The following ASIC2 variants were observed in gnomAD, a reference collection of about 807,000 sequenced individuals.
ASIC2 encodes acid-sensing ion channel 2.
ASIC2 carries 25 observed loss-of-function variants against 57.3 expected under a neutral mutation model. The ratio of observed to expected loss-of-function variants is 0.44; its 90% confidence interval spans 0.32 to 0.61. The LOEUF (loss-of-function observed/expected upper bound fraction) is 0.61, where lower values mean the gene tolerates loss of function less well. Ranked by LOEUF, ASIC2 falls within the 20% of genes least tolerant of loss-of-function variation. ASIC2 has a pLI of 0.06. For synonymous variants in ASIC2, 319 were observed against 307.5 expected (o/e 1.04, Z -0.39); for missense variants, 641 against 738.1 (o/e 0.87, Z 1.52).
intron 1 of ASIC2, among the ~76,000 whole-genome samples, chr17:33,426,015 C>A (rs934137060): frequency 6.6e-6 from 1 of 152,164 alleles, no homozygotes; most frequent in African/African-American, 2.4e-5. Context: ...GACTTCACTT[C>A]TGCTCCTCCT....
intron 1 of ASIC2, among the ~76,000 whole-genome samples, chr17:33,753,160 TGGA>T (rs1910485923): frequency 2.0e-5 from 3 of 152,202 alleles, no homozygotes; most frequent in Admixed American, 2.0e-4. Flanking sequence ...TAGAAAGACA[TGGA>T]GAATCCTAAA....
rs1462384986 is a variant in ASIC2 at position 33,292,335 on chromosome 17, C to T, written c.-220G>A. ...GCCCGGGGCTGAGCGCCGCCTCAGC[C>T]CGCAGCCCCTGGCAGTGGCCTCTCC... On this transcript the variant is annotated 5_prime_UTR_variant, in exon 1 of 10. Transcript: ENST00000225823. The T allele has an allele frequency of 1.0e-6, 1 of 986,506 alleles. No individual in the cohort carries two copies. The highest frequency in any genetic ancestry group is 1.2e-6 in the Non-Finnish European group (1 of 831,192). 61.1% of individuals were successfully genotyped at this position (986,506 alleles called of 1,614,324 possible).
intron 1 of ASIC2, among the ~76,000 whole-genome samples, chr17:33,219,122 G>A (rs2142095828): frequency 6.6e-6 from 1 of 152,166 alleles, no homozygotes; most frequent in East Asian, 1.9e-4. Context: ...AAACTCCAGG[G>A]CCTGATGAAG....
chr17:33,589,840 A>G (rs1904770204), intron 1 of ASIC2, among the ~76,000 whole-genome samples: 1 of 152,192 alleles, frequency 6.6e-6, no homozygotes, highest in Non-Finnish European at 1.5e-5. Flanking sequence ...TGTCTACTTC[A>G]GTGCTTGATT....
intron 1 of ASIC2, among the ~76,000 whole-genome samples, chr17:33,315,877 A>G (rs1906624324): frequency 6.6e-6 from 1 of 152,216 alleles, no homozygotes; most frequent in African/African-American, 2.4e-5. Flanking sequence ...ACTTGGGTTC[A>G]AATCCTGGTT....
intron 1 of ASIC2, among the ~76,000 whole-genome samples, chr17:33,476,547 GTGTGT>G (rs1567624927): frequency 0.28 from 25,053 of 89,200 alleles, 2,552 homozygotes; most frequent in African/African-American, 0.42. Context: ...GTACAGGGGT[GTGTGT>G]GTGTGTGTGT....
At chr17:33,656,623 T>C (rs980928123) in intron 1 of ASIC2, among the ~76,000 whole-genome samples, 1 of 152,146 alleles carries the variant, frequency 6.6e-6, no homozygotes, top group African/African-American at 2.4e-5. Flanking sequence ...TATTCCTTCT[T>C]CAAGTCTCAT....
intron 1 of ASIC2, among the ~76,000 whole-genome samples, chr17:33,800,962 T>A (rs1323039557): frequency 6.6e-6 from 1 of 152,108 alleles, no homozygotes; most frequent in Non-Finnish European, 1.5e-5. Context: ...CTGTGCTACC[T>A]CTCAAAGAAA....
At chr17:33,560,142 C>T (rs2043475) in intron 1 of ASIC2, among the ~76,000 whole-genome samples, 30,094 of 152,136 alleles carry the variant, frequency 0.2, 3,051 homozygotes, top group South Asian at 0.33. Context: ...TCTTGGACCT[C>T]GGTTGGCTGT....
chr17:33,992,379 T>A, intron 1 of ASIC2, among the ~76,000 whole-genome samples: 1 of 152,162 alleles, frequency 6.6e-6, no homozygotes, highest in South Asian at 2.1e-4. Flanking sequence ...AGAAAATTGA[T>A]TTCTAAGGTC....
chr17:33,356,144 T>C (rs962807623), intron 1 of ASIC2, among the ~76,000 whole-genome samples: 1 of 152,108 alleles, frequency 6.6e-6, no homozygotes, highest in Admixed American at 6.5e-5. Flanking sequence ...AAGGCAGGTG[T>C]GAAGGATAGG....
intron 3 of ASIC2, among the ~76,000 whole-genome samples, chr17:33,043,790 A>G (rs2091938945): frequency 6.6e-6 from 1 of 152,230 alleles, no homozygotes. Flanking sequence ...TTGGACAATC[A>G]GACCACACAG....
At chr17:33,516,785 T>G (rs1014080521) in intron 1 of ASIC2, among the ~76,000 whole-genome samples, 1 of 152,204 alleles carries the variant, frequency 6.6e-6, no homozygotes, top group Non-Finnish European at 1.5e-5. Flanking sequence ...TCTGGGACAC[T>G]TTGCCTGACC....
intron 1 of ASIC2, among the ~76,000 whole-genome samples, chr17:34,133,151 TA>T (rs1318145272): frequency 3.0e-4 from 46 of 152,366 alleles, no homozygotes; most frequent in Admixed American, 7.8e-4. Flanking sequence ...CTGGGATTGA[TA>T]AATAGATGTA....
chr17:33,388,073 C>G (rs1307992577), intron 1 of ASIC2, among the ~76,000 whole-genome samples: 8 of 143,078 alleles, frequency 5.6e-5, no homozygotes, highest in African/African-American at 1.3e-4. Flanking sequence ...GAGAGAGACT[C>G]CATCTCAAAA....
intron 1 of ASIC2, among the ~76,000 whole-genome samples, chr17:33,748,144 G>A (rs1474227855): frequency 6.6e-6 from 1 of 152,142 alleles, no homozygotes; most frequent in African/African-American, 2.4e-5. Flanking sequence ...CCCTTCTGCC[G>A]GCCACACTCT....
In ASIC2 at chr17:33,291,954, G is replaced by A. The variant is rs200384167; in HGVS notation, c.162C>T (p.Ala54=). 3.0e-3 allele frequency: 4,538 copies of A among 1,495,230 alleles called. 12 individuals carry two copies. The highest frequency in any genetic ancestry group is 6.3e-3 in the Admixed American group (289 of 46,090). 92.6% of individuals were successfully genotyped at this position (1,495,230 alleles called of 1,614,324 possible). Residue 54 remains alanine (A), a synonymous_variant, in exon 1 of 10, where the codon GCC becomes GCT. Coordinates refer to ENST00000225823, the MANE Select transcript of ASIC2 (RefSeq NM_183377.2). ...GGCTCAGCGATGGCCGCCCCCTGCG[G>A]GCGACCCCTGGCCCCTGCAGCGCCC... The part of the protein sequence containing the change: ...GERALQGPGV[A]RRGRPSLSRA...
In ASIC2 at chr17:33,165,905, G is replaced by A. The variant is rs151175125; in HGVS notation, c.709-53838C>T. Among the ~76,000 whole-genome samples the A allele has an allele frequency of 1.7e-3, 262 of 152,158 alleles. 2 individuals are homozygous for A. Among genetic ancestry groups the A allele is most frequent in the African/African-American group, 6.1e-3 (254 of 41,514 alleles). ...ATCATTCACTCAGTAATTATTTATTGGAGACCAATTGACATATTCCAAGCA... is the reference window on the plus strand; with the variant it reads ...ATCATTCACTCAGTAATTATTTATTAGAGACCAATTGACATATTCCAAGCA... On this transcript the variant is annotated intron_variant, in intron 1 of 9. Transcript: ENST00000225823.
intron 1 of ASIC2, among the ~76,000 whole-genome samples, chr17:33,454,898 G>A (rs1910689): frequency 6.6e-6 from 1 of 152,206 alleles, no homozygotes; most frequent in Non-Finnish European, 1.5e-5. Context: ...CATTCACTAA[G>A]GTGGTAGTGC....
Sources: allele counts gnomAD v4.1 joint callset (sites outside exome capture counted in the v4.1 genomes callset), GRCh38; gene constraint gnomAD v4.1.1; transcripts MANE v1.5; gene names NCBI Gene and HGNC (gene_info 2026-07-23, HGNC 2026-07-21).